Variants in ABHD2 observed in about 807,000 individuals in gnomAD.
ABHD2 encodes monoacylglycerol lipase ABHD2.
In ABHD2, 20 loss-of-function variants were observed where a neutral mutation model predicts 48.1. The observed-to-expected ratio is 0.42, with a 90% CI of 0.29 to 0.60. ABHD2 has a LOEUF of 0.60. Among genes scored for constraint, ABHD2 ranks in the 20% least tolerant of loss-of-function variants. The pLI, the probability that ABHD2 is intolerant of heterozygous loss-of-function variation, is 0.24. For synonymous variants in ABHD2, 209 were observed against 214.2 expected, an observed-to-expected ratio of 0.98 and a Z score of 0.21; for missense variants, 405 against 550.9, an observed-to-expected ratio of 0.74 and a Z score of 2.65.
rs1462838015 is a variant in ABHD2 at position 89,151,767 on chromosome 15, T to G, written c.285T>G (p.Tyr95Ter). The G allele has an allele frequency of 6.2e-7, 1 of 1,614,140 alleles. No individual in the cohort carries two copies. Among genetic ancestry groups the G allele is most frequent in the Non-Finnish European group, 8.5e-7 (1 of 1,180,048 alleles). The change falls in exon 4 of 11, where the codon TAT becomes TAG. Residue 95 changes from tyrosine (Y) to a stop codon, truncating the protein, a stop_gained. Coordinates refer to ENST00000352732, the MANE Select transcript of ABHD2 (RefSeq NM_152924.5). LOFTEE classifies it high-confidence loss of function. This position sits in a 1 kb window ranked among gnomAD's most constrained non-coding sequence, Gnocchi z 4.7. ...GAAGGGTGAGGTCGCCACATCCTTA[T>G]GGGCACCGGAAGTTCATCACTATGT... ...KMGRVRSPHP[Y>*]GHRKFITMSD...
chr15:89,046,046 C>T, the ABHD2 span, among the ~76,000 whole-genome samples: 118 of 152,218 alleles, frequency 7.8e-4, no homozygotes, highest in African/African-American at 2.7e-3. Flanking sequence ...TCATAGATAG[C>T]TCTTATTATT....
At chr15:89,194,708 C>G (rs1189999172) in intron 10 of ABHD2, among the ~76,000 whole-genome samples, 1 of 152,176 alleles carries the variant, frequency 6.6e-6, no homozygotes, top group Non-Finnish European at 1.5e-5. Context: ...TTTAAAAATG[C>G]AGAATCTCAG....
At chr15:89,095,181 A>C (rs1296116654) in intron 1 of ABHD2, among the ~76,000 whole-genome samples, 1 of 152,152 alleles carries the variant, frequency 6.6e-6, no homozygotes, top group Admixed American at 6.5e-5. Flanking sequence ...AGGTTGAGTT[A>C]ATGGCCATTG....
the ABHD2 span, among the ~76,000 whole-genome samples, chr15:89,073,809 G>A: frequency 6.6e-5 from 10 of 152,228 alleles, no homozygotes; most frequent in South Asian, 4.1e-4. Context: ...ATTTCAGAGC[G>A]GTGGGTCTCA....
intron 3 of ABHD2, among the ~76,000 whole-genome samples, chr15:89,149,137 T>TTGAGA (rs1177214904): frequency 3.9e-5 from 6 of 152,122 alleles, no homozygotes; most frequent in Non-Finnish European, 7.3e-5. Context: ...ATTAAACCTT[T>TTGAGA]TGAGACTTCC....
intron 5 of ABHD2, among the ~76,000 whole-genome samples, chr15:89,169,147 G>C (rs1403275827): frequency 6.6e-6 from 1 of 152,122 alleles, no homozygotes; most frequent in Non-Finnish European, 1.5e-5. Context: ...GGAGTAAGAT[G>C]TTTAATAATT....
chr15:89,141,325 TG>T (rs1193992733), intron 3 of ABHD2, among the ~76,000 whole-genome samples: 2 of 152,066 alleles, frequency 1.3e-5, no homozygotes, highest in African/African-American at 4.8e-5. Context: ...GCGGGCGACA[TG>T]TGACCCCACT....
the ABHD2 span, among the ~76,000 whole-genome samples, chr15:89,070,749 G>T: frequency 6.6e-6 from 1 of 152,166 alleles, no homozygotes; most frequent in African/African-American, 2.4e-5. Flanking sequence ...GTGGACAGCA[G>T]ATATGGGTAA....
chr15:89,154,840 G>A (rs563438352), intron 4 of ABHD2, among the ~76,000 whole-genome samples: 2 of 152,158 alleles, frequency 1.3e-5, no homozygotes, highest in Non-Finnish European at 2.9e-5. Flanking sequence ...TTGCATGATT[G>A]AACACAACCT....
At position 89,185,407 on chromosome 15, in the gene ABHD2, C is replaced by T. The variant is rs756635965; in HGVS notation, c.723-17C>T. On this transcript the variant is annotated splice_polypyrimidine_tract_variant and intron_variant, in intron 6 of 10. Coordinates refer to ENST00000352732, the MANE Select transcript of ABHD2 (RefSeq NM_152924.5). This position sits in a 1 kb window ranked among gnomAD's most constrained non-coding sequence, Gnocchi z 5.9. ...CCCCCACACCGCAGTCACCCTCACT[C>T]GCTGTGGTTCTTCCAGGGCCCAGGA... 3.1e-6 allele frequency: 5 copies of T among 1,612,134 alleles called. No homozygotes were observed. The highest frequency in any genetic ancestry group is 2.2e-5 in the East Asian group (1 of 44,884).
chr15:89,045,557 G>T, the ABHD2 span, among the ~76,000 whole-genome samples: 1 of 152,050 alleles, frequency 6.6e-6, no homozygotes, highest in Non-Finnish European at 1.5e-5. Context: ...CCATTTGTTT[G>T]TATCCTCTTT....
At chr15:89,127,698 TATATATACATATATATATATACAC>T (rs2050150831) in intron 3 of ABHD2, among the ~76,000 whole-genome samples, 1 of 93,164 alleles carries the variant, frequency 1.1e-5, no homozygotes, top group Admixed American at 9.1e-5. Flanking sequence ...AGTGAATATA[TATATATACATATATATATATACAC>T]ATATATATAT....
chr15:89,042,668 A>G, the ABHD2 span, among the ~76,000 whole-genome samples: 2 of 147,354 alleles, frequency 1.4e-5, no homozygotes, highest in African/African-American at 2.5e-5. Context: ...CTTTTTCGAG[A>G]CAGAGTCTTG....
At chr15:89,080,588 A>G in the ABHD2 span, among the ~76,000 whole-genome samples, 1 of 152,224 alleles carries the variant, frequency 6.6e-6, no homozygotes, top group African/African-American at 2.4e-5. Flanking sequence ...GGCATTATCA[A>G]ACACGAAAGA....
rs1320859122 is a variant in ABHD2 at position 89,114,760 on chromosome 15, G to A, written c.-7+936G>A. On this transcript the variant is annotated intron_variant, in intron 2 of 10. Transcript: ENST00000352732. This position sits in a 1 kb window ranked among gnomAD's most constrained non-coding sequence, Gnocchi z 4.2. ...TGGCCTCCCAAAGTGCATGATTACA[G>A]GCATGAGCCATGGTGCCCAGCCCAG... Among the ~76,000 whole-genome samples, 2 of 152,336 alleles carry A rather than the reference G, an allele frequency of 1.3e-5. No homozygotes were observed. The highest frequency in any genetic ancestry group is 2.9e-5 in the Non-Finnish European group (2 of 68,020).
Position 89,116,536 on chromosome 15 carries a change from T to C in ABHD2, c.194+15T>C. ...CTGACCAAAGAGTGAGTAGACCTCA[T>C]GCCCTCTGTATGCTCAGCTGCTGAT... On this transcript the variant is annotated intron_variant, in intron 3 of 10. Transcript: ENST00000352732. This position sits in a 1 kb window ranked among gnomAD's most constrained non-coding sequence, Gnocchi z 4.6. The C allele has an allele frequency of 1.9e-6, 3 of 1,608,130 alleles. No homozygotes were observed. Among genetic ancestry groups the C allele is most frequent in the Non-Finnish European group, 2.6e-6 (3 of 1,176,404 alleles).
At chr15:89,045,631 T>G in the ABHD2 span, among the ~76,000 whole-genome samples, 144 of 152,156 alleles carry the variant, frequency 9.5e-4, no homozygotes, top group African/African-American at 2.9e-3. Context: ...TTGTAAGTTG[T>G]ATTCCTAGGT....
chr15:89,118,020 GA>G (rs2049988890), intron 3 of ABHD2, among the ~76,000 whole-genome samples: 1 of 152,108 alleles, frequency 6.6e-6, no homozygotes, highest in Non-Finnish European at 1.5e-5. Flanking sequence ...CTGCTGAGGG[GA>G]CTTTTTATTA....
At chr15:89,109,834 T>G (rs1251318872) in intron 1 of ABHD2, among the ~76,000 whole-genome samples, 3 of 152,200 alleles carry the variant, frequency 2.0e-5, no homozygotes, top group Non-Finnish European at 2.9e-5. Flanking sequence ...CTTCTACATT[T>G]TATACAGTCG....
Sources: gnomAD v4.1 joint callset for allele counts (sites outside exome capture counted in the v4.1 genomes callset) on GRCh38, gnomAD v4.1.1 for gene constraint, Gnocchi (gnomAD v3.1) non-coding constraint, MANE v1.5 for transcripts, NCBI Gene and HGNC (gene_info 2026-07-23, HGNC 2026-07-21) for gene names.